Variants in LYN observed in about 807,000 individuals in gnomAD.
LYN encodes the protein LYN proto-oncogene, Src family tyrosine kinase.
A neutral mutation model predicts 65.0 loss-of-function variants in LYN; 12 were observed. The observed-to-expected ratio is 0.18, with a 90% CI of 0.12 to 0.30. The LOEUF (loss-of-function observed/expected upper bound fraction) is 0.30. Ranked by LOEUF, LYN falls within the 10% of genes least tolerant of loss-of-function variation. The pLI is 1.00. For missense variants in LYN, 380 were observed against 623.2 expected, an observed-to-expected ratio of 0.61 and a Z score of 4.16; for synonymous variants, 222 against 221.2, an observed-to-expected ratio of 1.00 and a Z score of -0.03.
intron 1 of LYN, among the ~76,000 whole-genome samples, chr8:55,939,462 A>AAGAGAGAGAGAGAGAGAGAGAG (rs111951441): frequency 1.1e-3 from 167 of 148,330 alleles, no homozygotes; most frequent in African/African-American, 4.0e-3. Context: ...TTCCCAAGAG[A>AAGAGAGAGAGAGAGAGAGAGAG]AGAGAGAGAG....
rs1585554167 is a variant in LYN at position 55,879,844 on chromosome 8, C to A, written c.-265C>A. ...GAGCCCAGAGACAGCCAGTTCCTCT[C>A]CCGCCGCGCCGGGCCGCGCTGCCGC... On this transcript the variant is annotated 5_prime_UTR_variant, in exon 1 of 13. Coordinates refer to ENST00000519728, the MANE Select transcript of LYN (RefSeq NM_002350.4). The A allele has an allele frequency of 5.4e-6, 1 of 184,040 alleles. No homozygotes were observed. The highest frequency in any genetic ancestry group is 1.1e-5 in the Non-Finnish European group (1 of 87,914). 11.4% of individuals were successfully genotyped at this position (184,040 alleles called of 1,614,324 possible).
At position 55,946,505 on chromosome 8, in the gene LYN, T is replaced by C. The variant is rs184792198; in HGVS notation, c.178+12T>C. On this transcript the variant is annotated intron_variant, in intron 3 of 12. Transcript: ENST00000519728. ...GTTTCAAACTAAAGGTATGTTTTCATAGCAACATAGTTAAAATTTTTTTTC... is the reference window on the plus strand; with the variant it reads ...GTTTCAAACTAAAGGTATGTTTTCACAGCAACATAGTTAAAATTTTTTTTC... 1.9e-6 allele frequency: 3 copies of C among 1,580,678 alleles called. No individual in the cohort carries two copies. Among genetic ancestry groups the C allele is most frequent in the East Asian group, 4.5e-5 (2 of 44,712 alleles).
chr8:55,976,342 A>G (rs958655438), intron 10 of LYN, among the ~76,000 whole-genome samples: 12 of 151,692 alleles, frequency 7.9e-5, no homozygotes, highest in African/African-American at 2.2e-4. Context: ...AAAAAAAAAA[A>G]AAGAAGGAAG....
chr8:55,936,984 G>T (rs1427051085), intron 1 of LYN, among the ~76,000 whole-genome samples: 1 of 152,016 alleles, frequency 6.6e-6, no homozygotes, highest in Non-Finnish European at 1.5e-5. Context: ...TACCCCCCAC[G>T]TCTTTTGTCT....
intron 10 of LYN, among the ~76,000 whole-genome samples, chr8:55,970,967 A>G (rs1222553557): frequency 2.0e-5 from 3 of 152,212 alleles, no homozygotes; most frequent in Non-Finnish European, 4.4e-5. Context: ...GCACGGACAC[A>G]AGCACCTCAG....
chr8:55,893,633 A>G (rs1188248843), intron 1 of LYN: 2 of 152,178 alleles, frequency 1.3e-5, no homozygotes, highest in Admixed American at 6.5e-5. Flanking sequence ...TCATTCAGAA[A>G]ACACTTCTTG....
rs1400791722 is a variant in LYN at position 55,987,026 on chromosome 8, A to AT, written c.1051-11314dup. ...CCGCCACATTCGGCCTAAGTTGACC[A>AT]TTTTTTAAATTATCTGACTTTCTTA... is the stretch of plus-strand genomic sequence containing the variant. On this transcript the variant is annotated intron_variant, in intron 10 of 12. Transcript: ENST00000519728. Among the ~76,000 whole-genome samples, 4 of 152,246 alleles carry AT rather than the reference A, an allele frequency of 2.6e-5. No individual in the cohort carries two copies. The East Asian group carries it at 7.7e-4, about 29-fold the overall frequency.
intron 2 of LYN, among the ~76,000 whole-genome samples, chr8:55,942,276 T>C (rs1014132227): frequency 6.0e-5 from 9 of 149,896 alleles, no homozygotes; most frequent in African/African-American, 2.2e-4. Context: ...TATATATATA[T>C]ACACACACAT....
chr8:55,947,703 G>A lies in LYN; in HGVS notation c.264G>A (p.Glu88=). Reference sequence around the variant, plus strand: ...ACGACTTGTCTTTCAAGAAAGGAGAGAAGATGAAAGTCCTGGAGGAGTAAG... The same window carrying A: ...ACGACTTGTCTTTCAAGAAAGGAGAAAAGATGAAAGTCCTGGAGGAGTAAG... The part of the protein sequence containing the change: ...HPDDLSFKKG[E]KMKVLEEHGE... The change falls in exon 4 of 13, where the codon GAG becomes GAA. Residue 88 remains glutamate, a synonymous_variant. Coordinates refer to ENST00000519728, the MANE Select transcript of LYN (RefSeq NM_002350.4). 1.9e-6 allele frequency: 3 copies of A among 1,613,652 alleles called. No homozygotes were observed. Among genetic ancestry groups the A allele is most frequent in the Non-Finnish European group, 2.5e-6 (3 of 1,179,558 alleles).
chr8:55,998,574 A>G, intron 11 of LYN, 75 bp downstream of exon 11: 16 of 1,396,804 alleles, frequency 1.1e-5, no homozygotes, highest in East Asian at 2.3e-5. Flanking sequence ...TGACAAAGCA[A>G]TTACAATAGT....
chr8:55,920,608 A>T (rs1563511096), intron 1 of LYN, among the ~76,000 whole-genome samples: 2 of 152,238 alleles, frequency 1.3e-5, no homozygotes, highest in South Asian at 4.1e-4. Context: ...ATGTCTGTTA[A>T]TAAATGGAAG....
intron 4 of LYN, among the ~76,000 whole-genome samples, 194 bp downstream of exon 4, chr8:55,947,917 G>C (rs111304364): frequency 6.6e-6 from 1 of 152,208 alleles, no homozygotes; most frequent in Admixed American, 6.5e-5. Flanking sequence ...CTTTTAAGTC[G>C]GTCTGTGAGC....
chr8:55,936,564 C>T (rs934913522), intron 1 of LYN, among the ~76,000 whole-genome samples: 10 of 152,112 alleles, frequency 6.6e-5, no homozygotes, highest in Non-Finnish European at 1.0e-4. Flanking sequence ...TGCTTGGGCC[C>T]GGGAGGCAGA....
At chr8:55,909,038 C>G (rs958949003) in intron 1 of LYN, among the ~76,000 whole-genome samples, 1 of 64,452 alleles carries the variant, frequency 1.6e-5, no homozygotes, top group African/African-American at 6.9e-5. Context: ...CACACACACA[C>G]ACACACACAC....
intron 8 of LYN, among the ~76,000 whole-genome samples, chr8:55,965,463 G>A (rs1487511220): frequency 1.3e-5 from 2 of 152,196 alleles, no homozygotes; most frequent in Non-Finnish European, 2.9e-5. Context: ...ATTTTGGGAA[G>A]TGCTTGTTTG....
In LYN at chr8:55,954,265, C is replaced by G. The variant is rs1807039621; in HGVS notation, c.790+281C>G. On this transcript the variant is annotated intron_variant, in intron 8 of 12. Transcript: ENST00000519728. ...TCTGCCTATTTCTTCATGATTCCCT[C>G]ATCGCCAGATTCTCTGGATGCACGG... Among the ~76,000 whole-genome samples the G allele has an allele frequency of 2.0e-5, 3 of 152,166 alleles. No homozygotes were observed. The South Asian group carries it at 6.2e-4, about 32-fold the overall frequency.
chr8:55,932,672 G>C (rs1338835272), intron 1 of LYN, among the ~76,000 whole-genome samples: 1 of 152,002 alleles, frequency 6.6e-6, no homozygotes, highest in South Asian at 2.1e-4. Context: ...CCTCCTGCCC[G>C]GGCCTCCCAA....
intron 1 of LYN, among the ~76,000 whole-genome samples, chr8:55,936,740 T>A (rs1806447698): frequency 6.6e-6 from 1 of 152,170 alleles, no homozygotes; most frequent in African/African-American, 2.4e-5. Context: ...GACAATGTAT[T>A]GTATATTCCA....
chr8:55,960,404 G>GA (rs1216159898), intron 8 of LYN, among the ~76,000 whole-genome samples: 1 of 152,098 alleles, frequency 6.6e-6, no homozygotes, highest in Non-Finnish European at 1.5e-5. Context: ...AAATAGAAGA[G>GA]AAAAAAATAG....
Sources: allele counts gnomAD v4.1 joint callset (sites outside exome capture counted in the v4.1 genomes callset), GRCh38; gene constraint gnomAD v4.1.1; transcripts MANE v1.5; gene names NCBI Gene and HGNC (gene_info 2026-07-23, HGNC 2026-07-21).